The following FLYWCH1 variants were observed in gnomAD, a reference collection of about 807,000 sequenced individuals.
FLYWCH1 encodes FLYWCH-type zinc finger 1, also known as FLYWCH-type zinc finger-containing protein 1.
In FLYWCH1, 75 loss-of-function variants were observed where a neutral mutation model predicts 66.4. That is an observed-to-expected ratio of 1.13 (90% CI 0.94 to 1.37). The LOEUF is 1.37. FLYWCH1 is among the 40% of genes most tolerant of loss of function. FLYWCH1 has a pLI of 0.00. For missense variants in FLYWCH1, 1,334 were observed against 1,001.8 expected (o/e 1.33, Z -4.48); for synonymous variants, 595 against 429.9 (o/e 1.38, Z -4.75).
chr16:2,947,286 C>G (rs1338276022), intron 9 of FLYWCH1, among the ~76,000 whole-genome samples: 1 of 152,154 alleles, frequency 6.6e-6, no homozygotes, highest in Non-Finnish European at 1.5e-5. Flanking sequence ...TTTAGAGAGA[C>G]AGAAAGATTA....
At position 2,949,089 on chromosome 16, in the gene FLYWCH1, G is replaced by T; in HGVS notation, c.*362G>T. On this transcript the variant is annotated 3_prime_UTR_variant, in exon 10 of 10. Coordinates refer to ENST00000253928, the MANE Select transcript of FLYWCH1 (RefSeq NM_001308068.2). ...GCAGCCTTCCTAGGGCTTTCCACCT[G>T]GCGAGGCCCCGCTCTGCTCAGCACG... 3.0e-6 allele frequency: 1 copy of T among 338,290 alleles called. No homozygotes were observed. The allele number at this position is 338,290 out of a possible 1,614,324, so 21.0% of individuals were successfully genotyped here. A position where few individuals can be genotyped will look rare whatever the true frequency, so the allele number is the denominator to read the frequency against.
At chr16:2,915,926 G>T (rs1164923088) in intron 2 of FLYWCH1, among the ~76,000 whole-genome samples, 4 of 152,136 alleles carry the variant, frequency 2.6e-5, no homozygotes, top group African/African-American at 7.2e-5. Flanking sequence ...ACATATTTTT[G>T]ATTATAAGGC....
chr16:2,933,104 T>C (rs1232817631), intron 4 of FLYWCH1, 26 bp from the exon 5 acceptor site: 1 of 1,597,654 alleles, frequency 6.3e-7, no homozygotes, highest in East Asian at 2.2e-5. Context: ...CCCCTGGTGA[T>C]GTGACCACTT....
intron 4 of FLYWCH1, among the ~76,000 whole-genome samples, chr16:2,932,777 T>G (rs1354593374): frequency 6.6e-6 from 1 of 152,086 alleles, no homozygotes; most frequent in East Asian, 1.9e-4. Context: ...TGAGTCCAGG[T>G]TGGCCCCTCC....
chr16:2,924,863 G>A (rs542888457), intron 2 of FLYWCH1, among the ~76,000 whole-genome samples: 10 of 152,360 alleles, frequency 6.6e-5, no homozygotes, highest in African/African-American at 2.4e-4. Context: ...TTCCAGATCT[G>A]TTGAAGCACA....
chr16:2,921,930 G>T (rs746722147), intron 2 of FLYWCH1, among the ~76,000 whole-genome samples: 2 of 152,000 alleles, frequency 1.3e-5, no homozygotes, highest in Admixed American at 1.3e-4. Flanking sequence ...AGGTGTGGTG[G>T]CGCGCGCCTG....
Position 2,933,546 on chromosome 16 carries a change from G to GC in FLYWCH1, c.1217dup (p.Asp407ArgfsTer14). 1.9e-6 allele frequency: 3 copies of GC among 1,606,378 alleles called. No individual in the cohort carries two copies. The highest frequency in any genetic ancestry group is 2.6e-6 in the Non-Finnish European group (3 of 1,176,190). On this transcript the variant is annotated frameshift_variant, in exon 5 of 10. Transcript: ENST00000253928. LOFTEE classifies it high-confidence loss of function. ...CCAGGAGCTGCCAACCCAGCCCGAG[G>GC]CCCCAGACGAGCACCAGGACATGGA...
At chr16:2,946,903 T>C (rs1336308966) in intron 9 of FLYWCH1, among the ~76,000 whole-genome samples, 3 of 152,206 alleles carry the variant, frequency 2.0e-5, no homozygotes, top group Admixed American at 6.5e-5. Context: ...TTGGCGACGA[T>C]GCAAAATGGC....
chr16:2,923,311 G>C (rs1005876860), intron 2 of FLYWCH1: 1 of 201,026 alleles, frequency 5.0e-6, no homozygotes, highest in Non-Finnish European at 1.0e-5. Context: ...GCAGTGGTGC[G>C]ATCTCTGCTC....
chr16:2,945,780 G>A (rs1289783052), intron 9 of FLYWCH1, among the ~76,000 whole-genome samples: 1 of 152,072 alleles, frequency 6.6e-6, no homozygotes, highest in East Asian at 1.9e-4. Flanking sequence ...GGCAGATCAT[G>A]AGATCAGGAG....
intron 2 of FLYWCH1, among the ~76,000 whole-genome samples, chr16:2,928,517 G>A (rs1413969459): frequency 6.6e-6 from 1 of 152,138 alleles, no homozygotes; most frequent in African/African-American, 2.4e-5. Context: ...TGTTAACAAG[G>A]CACATCCTGC....
chr16:2,923,524 G>A (rs959341753), intron 2 of FLYWCH1, among the ~76,000 whole-genome samples: 1 of 152,148 alleles, frequency 6.6e-6, no homozygotes, highest in African/African-American at 2.4e-5. Flanking sequence ...GGGATGGCAG[G>A]CGTGAGCCAC....
At chr16:2,918,147 C>CATT (rs2070237073) in intron 2 of FLYWCH1, among the ~76,000 whole-genome samples, 2 of 103,752 alleles carry the variant, frequency 1.9e-5, no homozygotes, top group Admixed American at 1.1e-4. Flanking sequence ...CCTTGGATTC[C>CATT]TTTTTTTTTT....
Position 2,937,221 on chromosome 16 carries a change from G to C in FLYWCH1, c.1614G>C (p.Trp538Cys), listed in dbSNP as rs762320385. Residue 538 changes from tryptophan (W) to cysteine (C), a missense_variant, in exon 7 of 10, where the codon TGG (tryptophan) becomes TGC (cysteine). Physicochemically the swap from Trp to Cys is radical, Grantham distance 215. Transcript: ENST00000253928. The part of the protein sequence containing the change: ...REKAAGEKVY[W>C]TCRDQARMGC... ...AGGCGGCCGGGGAGAAGGTGTATTG[G>C]ACCTGCCGGGACCAGGCCCGCATGG... is the stretch of plus-strand genomic sequence containing the variant. 2 of 1,561,486 alleles carry C rather than the reference G, an allele frequency of 1.3e-6. No individual in the cohort carries two copies. The highest frequency in any genetic ancestry group is 1.7e-6 in the Non-Finnish European group (2 of 1,156,608).
chr16:2,923,020 G>C (rs181626522), intron 2 of FLYWCH1: 118 of 457,922 alleles, frequency 2.6e-4, no homozygotes, highest in African/African-American at 2.1e-3. Flanking sequence ...TTTTTTGGGG[G>C]GGCTGTTGTG....
At chr16:2,920,637 C>T (rs2070336969) in intron 2 of FLYWCH1, among the ~76,000 whole-genome samples, 2 of 151,934 alleles carry the variant, frequency 1.3e-5, no homozygotes, top group African/African-American at 2.4e-5. Context: ...GGCTGGAGTG[C>T]AATAGCGTGA....
In FLYWCH1 at chr16:2,938,274, C is replaced by T; in HGVS notation, c.1868C>T (p.Ala623Val). The T allele has an allele frequency of 6.2e-7, 1 of 1,612,754 alleles. No homozygotes were observed. The highest frequency in any genetic ancestry group is 8.5e-7 in the Non-Finnish European group (1 of 1,179,418). ...ESFLYRKEKA[A>V]GEKVYWMCRD... ...TTCCTCTACAGGAAGGAGAAGGCGG[C>T]TGGGGAGAAGGTGTACTGGATGTGC... Residue 623 changes from alanine (A) to valine (V), a missense_variant, in exon 8 of 10, where the codon GCT becomes GTT. By Grantham distance (64) the Ala-to-Val change is moderately conservative (BLOSUM62 0). Coordinates refer to ENST00000253928, the MANE Select transcript of FLYWCH1 (RefSeq NM_001308068.2).
chr16:2,939,695 G>A (rs76339025), intron 8 of FLYWCH1: 1 of 279,970 alleles, frequency 3.6e-6, no homozygotes. Flanking sequence ...ACAAGACCCT[G>A]TCTTTACAAG....
chr16:2,946,003 T>A (rs985585083), intron 9 of FLYWCH1, among the ~76,000 whole-genome samples: 36 of 142,136 alleles, frequency 2.5e-4, no homozygotes, highest in Admixed American at 3.4e-4. Context: ...TGTCAAAAAA[T>A]AAATAAATAA....
Sources: gnomAD v4.1 joint callset for allele counts (sites outside exome capture counted in the v4.1 genomes callset) on GRCh38, gnomAD v4.1.1 for gene constraint, MANE v1.5 for transcripts, NCBI Gene and HGNC (gene_info 2026-07-23, HGNC 2026-07-21) for gene names.